Variants in CRX observed in about 807,000 individuals in gnomAD.
The protein encoded by CRX is cone-rod homeobox protein.
Under a neutral mutation model 13.1 loss-of-function variants are expected in CRX, and 5 were observed. The ratio of observed to expected loss-of-function variants is 0.38; its 90% CI spans 0.20 to 0.80. The LOEUF is 0.80. Ranked by LOEUF, CRX falls within the 30% of genes least tolerant of loss-of-function variation. The pLI, the probability that CRX is intolerant of heterozygous loss-of-function variation, is 0.43. For missense variants in CRX, 351 were observed against 391.8 expected, an observed-to-expected ratio of 0.90 and a Z score of 0.88; for synonymous variants, 179 against 171.1, an observed-to-expected ratio of 1.05 and a Z score of -0.36.
chr19:47,835,284 T>C (rs1414176065), intron 2 of CRX, among the ~76,000 whole-genome samples: 1 of 151,930 alleles, frequency 6.6e-6, no homozygotes, highest in East Asian at 1.9e-4. Context: ...TCTCAAACTC[T>C]TGGGTCCAAA....
Position 47,836,414 on chromosome 19 carries a change from G to A in CRX, c.252+20G>A. ...GTTCAGGTGGGGTGGTGGGTCCCTG[G>A]ACCCCTCCCGACACTTCCTGTGATC... On this transcript the variant is annotated intron_variant, in intron 3 of 3. Coordinates refer to ENST00000221996, the MANE Select transcript of CRX (RefSeq NM_000554.6). 1 of 1,614,140 alleles carries A rather than the reference G, an allele frequency of 6.2e-7. No homozygotes were observed. The highest frequency in any genetic ancestry group is 8.5e-7 in the Non-Finnish European group (1 of 1,180,000).
chr19:47,835,476 C>A (rs1192726230), intron 2 of CRX, among the ~76,000 whole-genome samples: 1 of 151,488 alleles, frequency 6.6e-6, no homozygotes, highest in Admixed American at 6.6e-5. Flanking sequence ...CTTTTGCCTC[C>A]CAGGTTCAAG....
At position 47,834,536 on chromosome 19, in the gene CRX, C is replaced by A; in HGVS notation, c.93C>A (p.Pro31=). The change falls in exon 2 of 4, where the codon CCC becomes CCA. Residue 31 remains proline (P), a synonymous_variant. Coordinates refer to ENST00000221996, the MANE Select transcript of CRX (RefSeq NM_000554.6). ...TGGATCTGATGCACCAGGCTGTGCC[C>A]TACCCAAGTGAGTACAGTCGTTTCT... ...PSVDLMHQAV[P]YPSAPRKQRR... The A allele has an allele frequency of 6.2e-7, 1 of 1,613,580 alleles. No individual in the cohort carries two copies. Among genetic ancestry groups the A allele is most frequent in the Non-Finnish European group, 8.5e-7 (1 of 1,179,648 alleles).
chr19:47,832,198 C>G (rs996051611), intron 1 of CRX, among the ~76,000 whole-genome samples: 2 of 137,588 alleles, frequency 1.5e-5, no homozygotes, highest in African/African-American at 5.7e-5. Context: ...TTCTGCCTCC[C>G]GGGTTCAAGC....
rs80166604 is a variant in CRX at position 47,837,011 on chromosome 19, T to A, written c.252+617T>A. ...GTGTATGTATGTGTATATATGAGTG[T>A]CTGTGTGTATGATGGGATGGATACA... On this transcript the variant is annotated intron_variant, in intron 3 of 3. Coordinates refer to ENST00000221996, the MANE Select transcript of CRX (RefSeq NM_000554.6). Among the ~76,000 whole-genome samples, 319 of 151,914 alleles carry A rather than the reference T, an allele frequency of 2.1e-3. 1 individual carries two copies. The highest frequency in any genetic ancestry group is 7.4e-3 in the African/African-American group (305 of 41,234).
chr19:47,829,010 G>A (rs987922681), intron 1 of CRX, among the ~76,000 whole-genome samples: 1 of 151,760 alleles, frequency 6.6e-6, no homozygotes, highest in Non-Finnish European at 1.5e-5. Context: ...GGCAGTCACT[G>A]GTGCCAGTAG....
rs879326106 is a variant in CRX at position 47,839,033 on chromosome 19, T to C, written c.253-287T>C. 5.3e-4 allele frequency among the ~76,000 whole-genome samples: 81 copies of C among 152,060 alleles called. 1 individual carries two copies. Among genetic ancestry groups the C allele is most frequent in the Admixed American group, 1.0e-3 (16 of 15,272 alleles). ...GATGGGTAAATGCAGGCATGATGTA[T>C]GTGCGTATGGTGTATGCATGTATAA... On this transcript the variant is annotated intron_variant, in intron 3 of 3. Transcript: ENST00000221996. The surrounding 1 kb of genome is among the most constrained non-coding windows in gnomAD (Gnocchi z 4.6).
rs1260495425 is a variant in CRX, at chr19:47,839,344, A to G, written c.277A>G (p.Lys93Glu). The change falls in exon 4 of 4, where the codon AAA becomes GAA. Residue 93 changes from lysine to glutamate, a missense_variant. Coordinates refer to ENST00000221996, the MANE Select transcript of CRX (RefSeq NM_000554.6). The surrounding 1 kb of genome is among the most constrained non-coding windows in gnomAD (Gnocchi z 4.6). ...VQVWFKNRRA[K>E]CRQQRQQQKQ... ...GGTTTGGTTCAAGAACCGGAGGGCT[A>G]AATGCAGGCAGCAGCGACAGCAGCA... The G allele has an allele frequency of 6.2e-7, 1 of 1,613,494 alleles. No individual in the cohort carries two copies. Among genetic ancestry groups the G allele is most frequent in the Non-Finnish European group, 8.5e-7 (1 of 1,179,766 alleles).
chr19:47,832,105 G>GA (rs1422293685), intron 1 of CRX, among the ~76,000 whole-genome samples: 2 of 91,988 alleles, frequency 2.2e-5, no homozygotes, highest in East Asian at 5.7e-4. Flanking sequence ...GCAGCCTTAT[G>GA]TTTTTTTTTT....
Position 47,827,836 on chromosome 19 carries a change from TAAAAAAAAAAAAA to T in CRX, c.-36+5849_-36+5861del, listed in dbSNP as rs1156465404. Among the ~76,000 whole-genome samples, 24 of 41,760 alleles carry T rather than the reference TAAAAAAAAAAAAA, an allele frequency of 5.7e-4. 2 individuals are homozygous for T. Among genetic ancestry groups the T allele is most frequent in the Middle Eastern group, 0.053 (2 of 38 alleles). The allele number at this position is 41,760 out of a possible 152,430, so 27.4% of individuals were successfully genotyped here. A position where few individuals can be genotyped will look rare whatever the true frequency, so the allele number is the denominator to read the frequency against. ...CTGCTCCTGGCCATGGCATCTTTAT[TAAAAAAAAAAAAA>T]AAAAAAAAAAAAAAAAAAAAAAGGC... On this transcript the variant is annotated intron_variant, in intron 1 of 3. Coordinates refer to ENST00000221996, the MANE Select transcript of CRX (RefSeq NM_000554.6).
intron 1 of CRX, among the ~76,000 whole-genome samples, chr19:47,831,191 C>A (rs149215886): frequency 6.6e-6 from 1 of 151,204 alleles, no homozygotes; most frequent in East Asian, 2.0e-4. Context: ...CCTGTAATCC[C>A]AGCTCCTCAG....
At chr19:47,836,164 T>G in intron 2 of CRX, 79 bp from the exon 3 acceptor site, 1 of 1,570,900 alleles carries the variant, frequency 6.4e-7, no homozygotes, top group Non-Finnish European at 8.7e-7. Context: ...GATGGAATTC[T>G]TGGCATCCCA....
At position 47,835,360 on chromosome 19, in the gene CRX, C is replaced by T. The variant is rs552352525; in HGVS notation, c.100+817C>T. 4.0e-5 allele frequency among the ~76,000 whole-genome samples: 6 copies of T among 151,158 alleles called. No homozygotes were observed. In the East Asian group the frequency reaches 1.2e-3, roughly 30 times the overall value. On this transcript the variant is annotated intron_variant, in intron 2 of 3. Transcript: ENST00000221996. Reference sequence around the variant, plus strand: ...GGCATGAGCCACTGCACCTGGCCTGCAAAGCCTTATTTCTTTTTCTTTTTT... The same window carrying T: ...GGCATGAGCCACTGCACCTGGCCTGTAAAGCCTTATTTCTTTTTCTTTTTT...
Position 47,841,192 on chromosome 19 carries a change from CG to C in CRX, c.*1226del, listed in dbSNP as rs1417927955. On this transcript the variant is annotated 3_prime_UTR_variant, in exon 4 of 4. Transcript: ENST00000221996. ...GGCTTACATGGTAGGTTTAGGGGAC[CG>C]TTTGAGAGACAAAGATCTACATTCA... 6.6e-6 allele frequency: 1 copy of C among 151,792 alleles called. No homozygotes were observed. The highest frequency in any genetic ancestry group is 2.4e-5 in the African/African-American group (1 of 41,258). 9.4% of individuals were successfully genotyped at this position (151,792 alleles called of 1,614,324 possible).
intron 1 of CRX, among the ~76,000 whole-genome samples, chr19:47,827,324 G>A (rs1178235377): frequency 6.6e-6 from 1 of 151,910 alleles, no homozygotes; most frequent in East Asian, 1.9e-4. Flanking sequence ...TCTCCAACAA[G>A]ACCAAGTTGG....
intron 1 of CRX, among the ~76,000 whole-genome samples, chr19:47,832,198 C>A (rs996051611): frequency 7.3e-6 from 1 of 137,488 alleles, no homozygotes; most frequent in Non-Finnish European, 1.5e-5. Flanking sequence ...TTCTGCCTCC[C>A]GGGTTCAAGC....
Position 47,836,257 on chromosome 19 carries a change from C to A in CRX, c.115C>A (p.Gln39Lys). ...TCCCACCCCAGGCGCCCCCAGGAAG[C>A]AGCGGCGGGAGCGCACCACCTTCAC... The part of the protein sequence containing the change: ...AVPYPSAPRK[Q>K]RRERTTFTRS... The change falls in exon 3 of 4, where the codon CAG becomes AAG. Residue 39 changes from glutamine to lysine, a missense_variant. Gln to Lys is a moderately conservative substitution (Grantham distance 53). Coordinates refer to ENST00000221996, the MANE Select transcript of CRX (RefSeq NM_000554.6). 6.2e-7 allele frequency: 1 copy of A among 1,614,170 alleles called. No homozygotes were observed. The highest frequency in any genetic ancestry group is 8.5e-7 in the Non-Finnish European group (1 of 1,180,022).
intron 1 of CRX, among the ~76,000 whole-genome samples, chr19:47,832,478 C>T (rs930075016): frequency 6.6e-6 from 1 of 151,564 alleles, no homozygotes; most frequent in South Asian, 2.1e-4. Flanking sequence ...AACATAAATG[C>T]TATTTTCTTT....
intron 1 of CRX, among the ~76,000 whole-genome samples, chr19:47,828,824 A>G (rs1035443099): frequency 6.7e-6 from 1 of 148,748 alleles, no homozygotes; most frequent in Non-Finnish European, 1.5e-5. Context: ...GCAATGAGGA[A>G]CCCTCAGAGG....
Sources: gnomAD v4.1 joint callset for allele counts (sites outside exome capture counted in the v4.1 genomes callset) on GRCh38, gnomAD v4.1.1 for gene constraint, Gnocchi (gnomAD v3.1) non-coding constraint, MANE v1.5 for transcripts, NCBI Gene and HGNC (gene_info 2026-07-23, HGNC 2026-07-21) for gene names.